FGD4: variants seen among roughly 807,000 people sequenced by gnomAD.
The protein encoded by FGD4 is FYVE, RhoGEF and PH domain containing 4.
A neutral mutation model predicts 102.0 loss-of-function variants in FGD4; 42 were observed. The ratio of observed to expected loss-of-function variants is 0.41; its 90% confidence interval spans 0.32 to 0.53. FGD4 has a LOEUF of 0.53. Ranked by LOEUF, FGD4 falls within the 20% of genes least tolerant of loss-of-function variation. The pLI, the probability that FGD4 is intolerant of heterozygous loss-of-function variation, is 0.21. For missense variants in FGD4, 902 were observed against 1,078.2 expected (o/e 0.84, Z 2.29); for synonymous variants, 380 against 375.7 (o/e 1.01, Z -0.13).
chr12:32,497,113 T>C (rs567094583), intron 1 of FGD4, among the ~76,000 whole-genome samples: 6 of 152,130 alleles, frequency 3.9e-5, no homozygotes, highest in Admixed American at 2.6e-4. Flanking sequence ...ATGTTGGTTG[T>C]TTTTTTGGCA....
chr12:32,509,123 T>C (rs1230159131), intron 1 of FGD4, among the ~76,000 whole-genome samples: 1 of 152,086 alleles, frequency 6.6e-6, no homozygotes, highest in Non-Finnish European at 1.5e-5. Flanking sequence ...ATTGAAAAAA[T>C]ACAAATGTTA....
At chr12:32,594,181 C>T (rs1023972587) in intron 4 of FGD4, among the ~76,000 whole-genome samples, 3 of 152,106 alleles carry the variant, frequency 2.0e-5, no homozygotes, top group African/African-American at 4.8e-5. Context: ...GTGGGGCAGG[C>T]GAGCAAGTAA....
intron 4 of FGD4, among the ~76,000 whole-genome samples, chr12:32,588,249 G>A (rs529506247): frequency 6.6e-4 from 100 of 152,292 alleles, no homozygotes; most frequent in Admixed American, 1.7e-3. Flanking sequence ...GTGAACTTGA[G>A]TAATTGAACA....
chr12:32,454,853 C>G lies in FGD4; in HGVS notation c.166+54894C>G, dbSNP rs1013600699. Among the ~76,000 whole-genome samples the G allele has an allele frequency of 5.3e-5, 8 of 152,130 alleles. No individual in the cohort carries two copies. In the East Asian group the frequency reaches 1.5e-3, roughly 29 times the overall value. On this transcript the variant is annotated intron_variant, in intron 1 of 16. Transcript: ENST00000534526. The stretch of plus-strand genomic sequence containing the variant: ...AGTGTTCTTGTTCTGACAGTGTATC[C>G]TGTGATTTTTAAATTTTTCTTCCTT...
At chr12:32,624,357 G>T in intron 11 of FGD4, 65 bp from the exon 12 acceptor site, 1 of 1,287,848 alleles carries the variant, frequency 7.8e-7, no homozygotes, top group East Asian at 2.4e-5. Context: ...GGAAAGCATA[G>T]TTTTATTCAC....
intron 1 of FGD4, among the ~76,000 whole-genome samples, chr12:32,541,679 TAA>T (rs750249408): frequency 6.6e-6 from 1 of 152,128 alleles, no homozygotes; most frequent in Non-Finnish European, 1.5e-5. Context: ...TATTTTTTCT[TAA>T]AAAGAGAATA....
chr12:32,410,339 A>C (rs1481265898), intron 1 of FGD4, among the ~76,000 whole-genome samples: 4 of 151,838 alleles, frequency 2.6e-5, no homozygotes, highest in Non-Finnish European at 5.9e-5. Context: ...AAAAAAAAAA[A>C]ATTGCCAGTA....
At chr12:32,538,048 C>T (rs1382195242) in intron 1 of FGD4, among the ~76,000 whole-genome samples, 2 of 152,162 alleles carry the variant, frequency 1.3e-5, no homozygotes. Flanking sequence ...AGGCACACAC[C>T]ACCATGCCTG....
intron 2 of FGD4, 32 bp downstream of exon 2, chr12:32,564,321 G>A: frequency 6.5e-7 from 1 of 1,530,302 alleles, no homozygotes; most frequent in Non-Finnish European, 8.7e-7. Flanking sequence ...GTTCGGGGTG[G>A]GTACGTTGTT....
chr12:32,634,242 T>C (rs1368373354), intron 15 of FGD4, among the ~76,000 whole-genome samples: 2 of 152,174 alleles, frequency 1.3e-5, no homozygotes, highest in Non-Finnish European at 2.9e-5. Flanking sequence ...TTGGCATCTC[T>C]TCTTATACCC....
intron 1 of FGD4, among the ~76,000 whole-genome samples, chr12:32,526,811 A>T (rs892695030): frequency 6.6e-6 from 1 of 152,196 alleles, no homozygotes; most frequent in Non-Finnish European, 1.5e-5. Flanking sequence ...GAACAACTCC[A>T]GATGCCCCGC....
intron 5 of FGD4, among the ~76,000 whole-genome samples, chr12:32,599,783 T>C (rs890711718): frequency 3.3e-5 from 5 of 151,648 alleles, no homozygotes; most frequent in African/African-American, 1.2e-4. Context: ...GTCCTGACCT[T>C]GTGATCCTCC....
At chr12:32,519,905 C>G (rs1470559918) in intron 1 of FGD4, among the ~76,000 whole-genome samples, 1 of 152,128 alleles carries the variant, frequency 6.6e-6, no homozygotes. Flanking sequence ...TGAGATCATG[C>G]CACTGCACTC....
chr12:32,431,131 G>A (rs1565736045), intron 1 of FGD4, among the ~76,000 whole-genome samples: 1 of 152,174 alleles, frequency 6.6e-6, no homozygotes, highest in Non-Finnish European at 1.5e-5. Context: ...AAAAGGAATA[G>A]AAAATTAAAA....
intron 4 of FGD4, among the ~76,000 whole-genome samples, chr12:32,593,628 TC>T (rs1947654640): frequency 6.6e-6 from 1 of 152,324 alleles, no homozygotes; most frequent in East Asian, 1.9e-4. Flanking sequence ...CTATTTAAGA[TC>T]CTGTAGGATT....
intron 1 of FGD4, among the ~76,000 whole-genome samples, chr12:32,530,680 C>G (rs1941701190): frequency 6.6e-6 from 1 of 152,124 alleles, no homozygotes; most frequent in African/African-American, 2.4e-5. Flanking sequence ...AGACTGATAT[C>G]TATGACAACC....
At chr12:32,554,511 G>A (rs1943942430) in intron 1 of FGD4, among the ~76,000 whole-genome samples, 1 of 152,180 alleles carries the variant, frequency 6.6e-6, no homozygotes. Flanking sequence ...GTGACAGGTG[G>A]TATTCCTGGG....
intron 1 of FGD4, among the ~76,000 whole-genome samples, chr12:32,483,135 T>G (rs1449474427): frequency 1.3e-5 from 2 of 152,180 alleles, no homozygotes; most frequent in Non-Finnish European, 2.9e-5. Flanking sequence ...TGTGTGTGTG[T>G]GGGTAGAATA....
intron 1 of FGD4, among the ~76,000 whole-genome samples, chr12:32,548,417 TG>T (rs1943403062): frequency 6.6e-6 from 1 of 152,232 alleles, no homozygotes; most frequent in East Asian, 1.9e-4. Context: ...TTATGATACT[TG>T]TCTCAATGAA....
Sources: gnomAD v4.1 joint callset for allele counts (sites outside exome capture counted in the v4.1 genomes callset) on GRCh38, gnomAD v4.1.1 for gene constraint, MANE v1.5 for transcripts, NCBI Gene and HGNC (gene_info 2026-07-23, HGNC 2026-07-21) for gene names.